Variants in THADA observed in about 807,000 individuals in gnomAD.
THADA encodes tRNA (32-2'-O)-methyltransferase regulator THADA.
In THADA, 213 loss-of-function variants were observed where a neutral mutation model predicts 219.8. That is an observed-to-expected ratio of 0.97 (90% CI 0.87 to 1.09). THADA has a LOEUF of 1.09. Among genes scored for constraint, THADA ranks in the 50% least tolerant of loss-of-function variants. The pLI is 0.00. For synonymous variants in THADA, 1,018 were observed against 828.9 expected (o/e 1.23, Z -3.92); for missense variants, 2,956 against 2,311.3 (o/e 1.28, Z -5.72).
intron 28 of THADA, among the ~76,000 whole-genome samples, chr2:43,422,644 T>C (rs1677860622): frequency 6.6e-6 from 1 of 152,202 alleles, no homozygotes; most frequent in South Asian, 2.1e-4. Flanking sequence ...AATTTTGACT[T>C]TTCTTTAAAA....
intron 1 of THADA, among the ~76,000 whole-genome samples, chr2:43,593,431 G>C (rs1021078593): frequency 3.9e-5 from 6 of 152,062 alleles, no homozygotes; most frequent in African/African-American, 1.4e-4. Context: ...ATTAGGTACA[G>C]CGCTGGCGGC....
chr2:43,276,585 C>T (rs1053534458), intron 36 of THADA, among the ~76,000 whole-genome samples: 11 of 152,032 alleles, frequency 7.2e-5, no homozygotes, highest in Admixed American at 5.2e-4. Context: ...CCGTGGGGAC[C>T]GATAACTAGA....
At chr2:43,492,374 G>C (rs1558849229) in intron 25 of THADA, 2 of 150,526 alleles carry the variant, frequency 1.3e-5, no homozygotes, top group South Asian at 2.1e-4. Flanking sequence ...AAAGCCTTCT[G>C]TGTGTGTGTG....
chr2:43,278,374 T>G (rs915925131), intron 36 of THADA, among the ~76,000 whole-genome samples: 11 of 152,264 alleles, frequency 7.2e-5, no homozygotes, highest in African/African-American at 2.7e-4. Context: ...TATTTTATGC[T>G]TAAGAAAATC....
At chr2:43,501,606 C>T (rs868048368) in intron 24 of THADA, among the ~76,000 whole-genome samples, 26 of 152,220 alleles carry the variant, frequency 1.7e-4, no homozygotes, top group Middle Eastern at 6.8e-3. Context: ...GAGAGATTCA[C>T]CTTGCCAGAT....
chr2:43,386,555 ATAT>A (rs1672711514), intron 29 of THADA, among the ~76,000 whole-genome samples: 1 of 152,206 alleles, frequency 6.6e-6, no homozygotes, highest in Non-Finnish European at 1.5e-5. Context: ...ACATTTACAT[ATAT>A]GAGGCATGTA....
intron 24 of THADA, among the ~76,000 whole-genome samples, chr2:43,505,134 T>C (rs1377976618): frequency 6.6e-6 from 1 of 152,198 alleles, no homozygotes; most frequent in Non-Finnish European, 1.5e-5. Flanking sequence ...AGTTACAAAA[T>C]GTACATCAAC....
intron 29 of THADA, among the ~76,000 whole-genome samples, chr2:43,348,795 T>C (rs1667931371): frequency 6.6e-6 from 1 of 152,104 alleles, no homozygotes; most frequent in Non-Finnish European, 1.5e-5. Context: ...ATTAATGAGT[T>C]TGGTTGGGAA....
At chr2:43,589,698 G>C (rs893020270) in intron 4 of THADA, among the ~76,000 whole-genome samples, 2 of 152,070 alleles carry the variant, frequency 1.3e-5, no homozygotes, top group African/African-American at 4.8e-5. Context: ...GTGGGAAGGG[G>C]GTGAGAAATA....
intron 28 of THADA, among the ~76,000 whole-genome samples, chr2:43,417,567 C>T (rs774916283): frequency 2.6e-5 from 4 of 152,148 alleles, no homozygotes; most frequent in African/African-American, 4.8e-5. Context: ...CTACTGCCAA[C>T]GAAATGCCCA....
intron 29 of THADA, among the ~76,000 whole-genome samples, chr2:43,361,010 A>C (rs1482029717): frequency 1.3e-5 from 2 of 148,834 alleles, no homozygotes; most frequent in Non-Finnish European, 2.9e-5. Context: ...AGGGGGTGCT[A>C]CCAGCATCTA....
At position 43,498,831 on chromosome 2, in the gene THADA, A is replaced by C; in HGVS notation, c.3744+2T>G. 6.2e-7 allele frequency: 1 copy of C among 1,611,996 alleles called. No homozygotes were observed. Among genetic ancestry groups the C allele is most frequent in the Non-Finnish European group, 8.5e-7 (1 of 1,179,312 alleles). ...ATGAAAATAAATAGTGACAGCACTT[A>C]CTGCCCAGACCGGTGATGTAAAACC... is the stretch of plus-strand genomic sequence containing the variant. On this transcript the variant is annotated splice_donor_variant, in intron 25 of 37. Transcript: ENST00000405975. LOFTEE classifies it high-confidence loss of function.
chr2:43,317,631 G>C (rs1033276345), intron 31 of THADA, among the ~76,000 whole-genome samples: 9 of 152,124 alleles, frequency 5.9e-5, no homozygotes, highest in Non-Finnish European at 1.3e-4. Context: ...ATCCCAAACA[G>C]TGCTTTCCAT....
chr2:43,289,976 G>GT (rs59073038), intron 34 of THADA, among the ~76,000 whole-genome samples: 35 of 91,990 alleles, frequency 3.8e-4, no homozygotes, highest in Admixed American at 1.4e-3. Flanking sequence ...TTTTGTTTTT[G>GT]TTTTTTTTTT....
Position 43,541,240 on chromosome 2 carries a change from A to G in THADA, c.3183T>C (p.Ala1061=), listed in dbSNP as rs762757207. 6.2e-7 allele frequency: 1 copy of G among 1,612,040 alleles called. No homozygotes were observed. Among genetic ancestry groups the G allele is most frequent in the South Asian group, 1.1e-5 (1 of 90,488 alleles). ...GCTGGCACAACATGCCTAAAAGTAA[A>G]GCAACTTCCTTCATACTTCTCCAAC... is the stretch of plus-strand genomic sequence containing the variant. ...VCCWRSMKEV[A]LLLGMLCQLL... The change falls in exon 21 of 38, where the codon GCT becomes GCC. Residue 1061 remains alanine (A), a synonymous_variant. Coordinates refer to ENST00000405975, the MANE Select transcript of THADA (RefSeq NM_022065.5).
intron 30 of THADA, among the ~76,000 whole-genome samples, chr2:43,327,913 C>A (rs1000658655): frequency 6.6e-6 from 1 of 152,240 alleles, no homozygotes; most frequent in East Asian, 1.9e-4. Context: ...AGAGATCCCA[C>A]TGGCCATCTT....
intron 3 of THADA, among the ~76,000 whole-genome samples, 185 bp from the exon 4 acceptor site, chr2:43,591,139 A>G (rs1199003431): frequency 6.6e-6 from 1 of 152,122 alleles, no homozygotes; most frequent in African/African-American, 2.4e-5. Context: ...CTCGGGCAAC[A>G]TGGTGAAACC....
At chr2:43,385,743 G>A (rs1672597259) in intron 29 of THADA, among the ~76,000 whole-genome samples, 1 of 151,448 alleles carries the variant, frequency 6.6e-6, no homozygotes, top group South Asian at 2.1e-4. Context: ...AGAAAAAAGT[G>A]TCAAACAGCA....
At chr2:43,401,449 T>A (rs1674827578) in intron 28 of THADA, among the ~76,000 whole-genome samples, 1 of 152,154 alleles carries the variant, frequency 6.6e-6, no homozygotes, top group Non-Finnish European at 1.5e-5. Flanking sequence ...CAGCTAATTT[T>A]TTTTATTTGT....
Sources: allele counts gnomAD v4.1 joint callset (sites outside exome capture counted in the v4.1 genomes callset), GRCh38; gene constraint gnomAD v4.1.1; transcripts MANE v1.5; gene names NCBI Gene and HGNC (gene_info 2026-07-23, HGNC 2026-07-21).